The following XPO4 variants were observed in gnomAD, a reference collection of about 807,000 sequenced individuals.
XPO4 encodes the protein exportin-4.
XPO4 carries 39 observed loss-of-function variants against 143.0 expected under a neutral mutation model. The ratio of observed to expected loss-of-function variants is 0.27; its 90% CI spans 0.21 to 0.36. The LOEUF (loss-of-function observed/expected upper bound fraction) is 0.36, where lower values mean the gene tolerates loss of function less well. Ranked by LOEUF, XPO4 falls within the 10% of genes least tolerant of loss-of-function variation. XPO4 has a pLI of 1.00. For synonymous variants in XPO4, 439 were observed against 474.0 expected (o/e 0.93, Z 0.96); for missense variants, 907 against 1,348.0 (o/e 0.67, Z 5.12).
intron 16 of XPO4, among the ~76,000 whole-genome samples, chr13:20,798,857 T>C (rs958642862): frequency 5.3e-5 from 8 of 150,938 alleles, no homozygotes; most frequent in Non-Finnish European, 1.0e-4. Flanking sequence ...CCGTCTCTAC[T>C]AAAAAAAACA....
At chr13:20,860,138 T>C (rs918109498) in intron 3 of XPO4, among the ~76,000 whole-genome samples, 1 of 152,172 alleles carries the variant, frequency 6.6e-6, no homozygotes, top group African/African-American at 2.4e-5. Context: ...ACCAACCATA[T>C]GAGATGGGTA....
intron 1 of XPO4, chr13:20,902,438 G>A (rs1222074963): frequency 1.0e-6 from 1 of 985,316 alleles, no homozygotes; most frequent in Non-Finnish European, 1.2e-6. Flanking sequence ...TCCCACGCCC[G>A]ACTGGGGTGC....
rs1009662862 is a variant in XPO4, at chr13:20,803,018, G to T, written c.1818-2028C>A. 4.6e-5 allele frequency among the ~76,000 whole-genome samples: 7 copies of T among 152,082 alleles called. No individual in the cohort carries two copies. The highest frequency in any genetic ancestry group is 1.7e-4 in the African/African-American group (7 of 41,402). On this transcript the variant is annotated intron_variant, in intron 13 of 22. Coordinates refer to ENST00000255305, the MANE Select transcript of XPO4 (RefSeq NM_022459.5). The surrounding 1 kb of genome is among the most constrained non-coding windows in gnomAD (Gnocchi z 4.1). ...TATCTTTGAATGAATATTACCTATT[G>T]CCAGATGAGCAAGTGGAGCATGATT...
At chr13:20,822,057 G>C in intron 8 of XPO4, 75 bp downstream of exon 8, 1 of 1,488,298 alleles carries the variant, frequency 6.7e-7, no homozygotes, top group Non-Finnish European at 9.0e-7. Context: ...AAAATAACTA[G>C]TTTCTTTTTT....
chr13:20,785,225 A>C (rs35637602), intron 22 of XPO4, among the ~76,000 whole-genome samples: 8,829 of 152,228 alleles, frequency 0.058, 648 homozygotes, highest in African/African-American at 0.17. Context: ...TGGTGAAACC[A>C]AATGTTAATT....
At position 20,790,611 on chromosome 13, in the gene XPO4, T is replaced by G. The variant is rs765610524; in HGVS notation, c.2798-31A>C. 3.2e-6 allele frequency: 5 copies of G among 1,544,054 alleles called. No individual in the cohort carries two copies. In the African/African-American group the frequency reaches 6.8e-5, roughly 21 times the overall value. ...AAAATAAAAGGATGCAGGCTTATGGTGGTAACATCAATAAATCTTCCAAGT... is the reference window on the plus strand; with the variant it reads ...AAAATAAAAGGATGCAGGCTTATGGGGGTAACATCAATAAATCTTCCAAGT... On this transcript the variant is annotated intron_variant, in intron 18 of 22. Coordinates refer to ENST00000255305, the MANE Select transcript of XPO4 (RefSeq NM_022459.5).
rs565905126 is a variant in XPO4 at position 20,889,062 on chromosome 13, C to T, written c.69+13608G>A. Among the ~76,000 whole-genome samples, 23 of 152,280 alleles carry T rather than the reference C, an allele frequency of 1.5e-4. No individual in the cohort carries two copies. In the East Asian group the frequency reaches 3.5e-3, roughly 23 times the overall value. The stretch of plus-strand genomic sequence containing the variant: ...TCCTGACCTCAAGTGATCCACCCAC[C>T]TTGGCCTCCCAAAGTGCTGGGATTA... On this transcript the variant is annotated intron_variant, in intron 1 of 22. Transcript: ENST00000255305.
chr13:20,898,651 T>C (rs1183959037), intron 1 of XPO4, among the ~76,000 whole-genome samples: 5 of 152,154 alleles, frequency 3.3e-5, no homozygotes, highest in Admixed American at 3.3e-4. Flanking sequence ...ATATTATTGC[T>C]ACACACAATC....
intron 3 of XPO4, among the ~76,000 whole-genome samples, chr13:20,861,571 T>C (rs759733681): frequency 2.6e-5 from 4 of 151,880 alleles, no homozygotes; most frequent in South Asian, 2.1e-4. Context: ...GCTGGAATTA[T>C]AGGCATGAGC....
intron 14 of XPO4, among the ~76,000 whole-genome samples, chr13:20,800,591 T>G (rs970183733): frequency 3.3e-5 from 5 of 152,178 alleles, no homozygotes; most frequent in Non-Finnish European, 7.4e-5. Context: ...CAAAAAAGCA[T>G]AATCTATTCC....
chr13:20,838,584 T>C (rs1281668346), intron 6 of XPO4, among the ~76,000 whole-genome samples: 6 of 127,826 alleles, frequency 4.7e-5, no homozygotes, highest in African/African-American at 1.2e-4. Flanking sequence ...CACTCCAGCG[T>C]GGGCAACACA....
intron 13 of XPO4, among the ~76,000 whole-genome samples, chr13:20,805,893 T>C (rs1595074446): frequency 6.6e-6 from 1 of 152,156 alleles, no homozygotes; most frequent in African/African-American, 2.4e-5. Context: ...TTAAATTTCA[T>C]ATTAATTCTT....
intron 4 of XPO4, among the ~76,000 whole-genome samples, chr13:20,846,968 ATTCT>A (rs2060035174): frequency 6.6e-6 from 1 of 152,216 alleles, no homozygotes; most frequent in Non-Finnish European, 1.5e-5. Context: ...GAAATCAAAT[ATTCT>A]GGCTTTAACT....
chr13:20,785,951 A>G (rs2059198629), intron 22 of XPO4, among the ~76,000 whole-genome samples: 1 of 143,986 alleles, frequency 6.9e-6, no homozygotes, highest in Admixed American at 7.2e-5. Flanking sequence ...TGAAAGAAAA[A>G]GATAGAAAAA....
chr13:20,856,912 G>GT (rs760117486), intron 3 of XPO4: 13 of 985,250 alleles, frequency 1.3e-5, no homozygotes, highest in African/African-American at 1.7e-5. Context: ...GGACATATCT[G>GT]TTACTACTGG....
chr13:20,849,105 A>T, intron 4 of XPO4: 2 of 985,448 alleles, frequency 2.0e-6, no homozygotes, highest in Non-Finnish European at 2.4e-6. Context: ...CACTAACTCC[A>T]GCTGACAAAA....
chr13:20,878,761 T>C (rs1040893417), intron 1 of XPO4, among the ~76,000 whole-genome samples: 6 of 152,212 alleles, frequency 3.9e-5, no homozygotes, highest in South Asian at 2.1e-4. Flanking sequence ...GCTTCAATTA[T>C]ATCTGTGATA....
chr13:20,851,255 C>A (rs1482019904), intron 4 of XPO4: 1 of 985,232 alleles, frequency 1.0e-6, no homozygotes, highest in Admixed American at 6.2e-5. Context: ...CAAATAGGGA[C>A]AGTGTATGCA....
intron 4 of XPO4, among the ~76,000 whole-genome samples, chr13:20,845,879 C>T (rs2138069654): frequency 6.6e-6 from 1 of 152,198 alleles, no homozygotes; most frequent in South Asian, 2.1e-4. Flanking sequence ...TCCTAGGATC[C>T]TGAAAACAAT....
Sources: allele counts gnomAD v4.1 joint callset (sites outside exome capture counted in the v4.1 genomes callset), GRCh38; gene constraint gnomAD v4.1.1; non-coding constraint Gnocchi (gnomAD v3.1); transcripts MANE v1.5; gene names NCBI Gene and HGNC (gene_info 2026-07-23, HGNC 2026-07-21).